The following BRINP1 variants were observed in gnomAD, a reference collection of about 807,000 sequenced individuals.
BRINP1 encodes the protein BMP/retinoic acid-inducible neural-specific protein 1.
In BRINP1, 17 loss-of-function variants were observed where a neutral mutation model predicts 72.9. That is an observed-to-expected ratio of 0.23 (90% CI 0.16 to 0.35). The LOEUF is 0.35. BRINP1 is among the 10% of genes least tolerant of loss of function. BRINP1 has a pLI of 1.00. For missense variants in BRINP1, 850 were observed against 1,001.6 expected (o/e 0.85, Z 2.04); for synonymous variants, 418 against 378.5 (o/e 1.10, Z -1.21).
intron 1 of BRINP1, among the ~76,000 whole-genome samples, chr9:119,325,811 C>A (rs1253959930): frequency 6.6e-6 from 1 of 152,168 alleles, no homozygotes; most frequent in Non-Finnish European, 1.5e-5. Context: ...CAACAATAAG[C>A]TGAATCCTTT....
intron 7 of BRINP1, among the ~76,000 whole-genome samples, chr9:119,173,196 C>CTGTT (rs1564208907): frequency 1.3e-5 from 2 of 150,898 alleles, no homozygotes; most frequent in Admixed American, 6.6e-5. Context: ...CAAATTGTCC[C>CTGTT]TGTTTGCAGA....
intron 1 of BRINP1, among the ~76,000 whole-genome samples, chr9:119,345,766 C>T (rs10984497): frequency 0.15 from 22,077 of 152,088 alleles, 2,033 homozygotes; most frequent in African/African-American, 0.26. Context: ...ACACCATTTC[C>T]GATGTGTAAG....
chr9:119,198,675 T>A (rs1029890050), intron 7 of BRINP1, among the ~76,000 whole-genome samples: 1 of 5,532 alleles, frequency 1.8e-4, no homozygotes, highest in African/African-American at 1.1e-3. Context: ...AATATTAATT[T>A]TTTTTTTTTT....
chr9:119,220,932 G>T (rs1330222707), intron 5 of BRINP1, among the ~76,000 whole-genome samples: 1 of 152,108 alleles, frequency 6.6e-6, no homozygotes, highest in Non-Finnish European at 1.5e-5. Flanking sequence ...GCAAGGCAAA[G>T]ACCATGCATT....
rs1412138884 is a variant in BRINP1 at position 119,166,974 on chromosome 9, T to TATTA, written c.*106_*109dup. ...GAAGATTTTCCTCCTTTTCTTTGAA[T>TATTA]ATTAATTACATTTTACAAATTTTTG... is the stretch of plus-strand genomic sequence containing the variant. On this transcript the variant is annotated 3_prime_UTR_variant, in exon 8 of 8. Transcript: ENST00000265922. 31 of 1,176,786 alleles carry TATTA rather than the reference T, an allele frequency of 2.6e-5. No individual in the cohort carries two copies. The highest frequency in any genetic ancestry group is 3.0e-4 in the Middle Eastern group (1 of 3,358). 72.9% of individuals were successfully genotyped at this position (1,176,786 alleles called of 1,614,324 possible). A position where few individuals can be genotyped will look rare whatever the true frequency, so the allele number is the denominator to read the frequency against.
chr9:119,287,581 T>C (rs1830775624), intron 2 of BRINP1, among the ~76,000 whole-genome samples: 1 of 152,114 alleles, frequency 6.6e-6, no homozygotes, highest in East Asian at 1.9e-4. Context: ...AATAAGACAA[T>C]ATAAAGGACC....
intron 7 of BRINP1, among the ~76,000 whole-genome samples, chr9:119,206,942 G>A (rs924018227): frequency 1.5e-4 from 23 of 152,196 alleles, no homozygotes; most frequent in South Asian, 2.1e-4. Context: ...ACTGGCAAAA[G>A]AAATTCTATT....
At chr9:119,257,395 A>T (rs1428125126) in intron 2 of BRINP1, among the ~76,000 whole-genome samples, 1 of 152,234 alleles carries the variant, frequency 6.6e-6, no homozygotes, top group Admixed American at 6.5e-5. Flanking sequence ...TGAGGGGCAA[A>T]CATATTACAG....
intron 7 of BRINP1, among the ~76,000 whole-genome samples, chr9:119,169,941 TAACA>T (rs1222882194): frequency 6.8e-6 from 1 of 147,104 alleles, no homozygotes; most frequent in African/African-American, 2.7e-5. Flanking sequence ...GAAGGAAAAC[TAACA>T]AACAGAAAGG....
intron 1 of BRINP1, among the ~76,000 whole-genome samples, chr9:119,353,779 A>G (rs144736844): frequency 1.2e-3 from 58 of 48,124 alleles, no homozygotes; most frequent in Admixed American, 2.9e-3. Flanking sequence ...GCATGTGTTT[A>G]TTTTTCAATT....
intron 1 of BRINP1, among the ~76,000 whole-genome samples, chr9:119,350,325 G>A (rs1831494377): frequency 6.6e-6 from 1 of 152,166 alleles, no homozygotes; most frequent in Non-Finnish European, 1.5e-5. Flanking sequence ...GGGCCTAGAT[G>A]TACTTACTTT....
intron 1 of BRINP1, among the ~76,000 whole-genome samples, chr9:119,314,797 A>G (rs756029430): frequency 1.3e-5 from 2 of 152,188 alleles, no homozygotes; most frequent in Non-Finnish European, 2.9e-5. Flanking sequence ...AATGTGGTTA[A>G]TAATAGCACC....
chr9:119,244,351 T>C (rs1372776251), intron 3 of BRINP1, among the ~76,000 whole-genome samples: 1 of 152,208 alleles, frequency 6.6e-6, no homozygotes, highest in Non-Finnish European at 1.5e-5. Context: ...CTTTGAGTTC[T>C]GGGGGCCATG....
intron 2 of BRINP1, among the ~76,000 whole-genome samples, chr9:119,265,757 G>A (rs191027951): frequency 5.3e-5 from 8 of 152,204 alleles, no homozygotes; most frequent in East Asian, 1.9e-4. Context: ...AGGTTCAAGC[G>A]TACATGGGCA....
chr9:119,199,368 C>T (rs1229910831), intron 7 of BRINP1, among the ~76,000 whole-genome samples: 1 of 152,104 alleles, frequency 6.6e-6, no homozygotes, highest in African/African-American at 2.4e-5. Flanking sequence ...TAGCCAGAGT[C>T]TTTCTATAGA....
In BRINP1 at chr9:119,353,822, CTTTTTTTTTTTTTTTTT is replaced by C. The variant is rs138900910; in HGVS notation, c.-51+15217_-51+15233del. On this transcript the variant is annotated intron_variant, in intron 1 of 7. Transcript: ENST00000265922. ...ATTAAACTTAATTTTGTTTTGAGCA[CTTTTTTTTTTTTTTTTT>C]TTTTTTTTTTTTTTTTACAATTTCA... is the stretch of plus-strand genomic sequence containing the variant. 2.0e-3 allele frequency among the ~76,000 whole-genome samples: 61 copies of C among 30,974 alleles called. 1 individual carries two copies. The highest frequency in any genetic ancestry group is 0.019 in the Admixed American group (36 of 1,850). The allele number at this position is 30,974 out of a possible 152,430, so 20.3% of individuals were successfully genotyped here.
At chr9:119,304,707 C>A (rs558760794) in intron 2 of BRINP1, among the ~76,000 whole-genome samples, 2 of 152,206 alleles carry the variant, frequency 1.3e-5, no homozygotes, top group Non-Finnish European at 2.9e-5. Flanking sequence ...GGATGCTGCA[C>A]GGGAAAAGGC....
intron 1 of BRINP1, among the ~76,000 whole-genome samples, chr9:119,328,208 C>T (rs1028323549): frequency 2.0e-4 from 30 of 152,198 alleles, no homozygotes; most frequent in African/African-American, 7.0e-4. Context: ...GTTTCAAAGG[C>T]TACAGAGTGC....
intron 7 of BRINP1, among the ~76,000 whole-genome samples, chr9:119,206,440 AAGAG>A (rs545494576): frequency 6.5e-4 from 92 of 141,334 alleles, no homozygotes; most frequent in Admixed American, 1.1e-3. Context: ...AAAAAAAAAA[AAGAG>A]AGAGAGAGAG....
Sources: allele counts gnomAD v4.1 joint callset (sites outside exome capture counted in the v4.1 genomes callset), GRCh38; gene constraint gnomAD v4.1.1; transcripts MANE v1.5; gene names NCBI Gene and HGNC (gene_info 2026-07-23, HGNC 2026-07-21).